Variants in NCF2 observed in about 807,000 individuals in gnomAD.
NCF2 encodes the protein neutrophil cytosol factor 2.
Under a neutral mutation model 70.9 loss-of-function variants are expected in NCF2, and 45 were observed. The observed-to-expected ratio is 0.63, with a 90% CI of 0.50 to 0.81. The LOEUF (loss-of-function observed/expected upper bound fraction) is 0.81. Ranked by LOEUF, NCF2 falls within the 40% of genes least tolerant of loss-of-function variation. The pLI is 0.00. For missense variants in NCF2, 522 were observed against 631.6 expected, an observed-to-expected ratio of 0.83 and a Z score of 1.86; for synonymous variants, 203 against 233.6, an observed-to-expected ratio of 0.87 and a Z score of 1.19.
intron 3 of NCF2, among the ~76,000 whole-genome samples, chr1:183,577,183 G>C (rs1672835060): frequency 1.3e-5 from 2 of 152,170 alleles, no homozygotes; most frequent in South Asian, 4.1e-4. Flanking sequence ...GCTTCTGGCA[G>C]GTCCTGCACG....
chr1:183,594,669 C>T (rs1025893299), upstream of NCF2, among the ~76,000 whole-genome samples: 8 of 152,148 alleles, frequency 5.3e-5, no homozygotes, highest in African/African-American at 1.4e-4. Context: ...AGTTTCATCT[C>T]GATATTTTCA....
chr1:183,573,895 G>A (rs1048522354), intron 4 of NCF2, among the ~76,000 whole-genome samples: 2 of 152,204 alleles, frequency 1.3e-5, no homozygotes, highest in Non-Finnish European at 1.5e-5. Context: ...TTCGAGACCT[G>A]CCTGGCCAAC....
intron 1 of NCF2, among the ~76,000 whole-genome samples, chr1:183,587,521 G>T (rs1166398530): frequency 1.3e-5 from 2 of 148,828 alleles, no homozygotes; most frequent in Non-Finnish European, 3.0e-5. Context: ...TCAAGCCCAG[G>T]AGGTGGAGAC....
the NCF2 span, among the ~76,000 whole-genome samples, chr1:183,599,441 T>TCTTTCTTTCTTTCTTTC: frequency 4.1e-4 from 41 of 98,872 alleles, no homozygotes; most frequent in South Asian, 2.2e-3. Flanking sequence ...TTTCTTTCTT[T>TCTTTCTTTCTTTCTTTC]CTTTCTTTCT....
chr1:183,567,594 T>G (rs1672369799), intron 7 of NCF2: 1 of 599,672 alleles, frequency 1.7e-6, no homozygotes, highest in African/African-American at 1.8e-5. Context: ...CACTAGATAG[T>G]GAGGACTTAC....
chr1:183,584,770 A>C (rs940860897), intron 2 of NCF2, among the ~76,000 whole-genome samples: 29 of 152,354 alleles, frequency 1.9e-4, no homozygotes, highest in Admixed American at 1.7e-3. Context: ...AAGGATGTTA[A>C]GAGCGGGGAC....
At chr1:183,577,127 C>T (rs528816712) in intron 3 of NCF2, among the ~76,000 whole-genome samples, 29 of 152,264 alleles carry the variant, frequency 1.9e-4, no homozygotes, top group Middle Eastern at 3.4e-3. Flanking sequence ...GGGGTAAGAA[C>T]CATGGATAGT....
At chr1:183,579,951 TTAAAGCTCCGTGCCA>T (rs1672983777) in intron 2 of NCF2, among the ~76,000 whole-genome samples, 1 of 152,182 alleles carries the variant, frequency 6.6e-6, no homozygotes, top group African/African-American at 2.4e-5. Flanking sequence ...ACGTGTTTAC[TTAAAGCTCCGTGCCA>T]TATAAGCTAT....
intron 2 of NCF2, among the ~76,000 whole-genome samples, chr1:183,583,219 A>T (rs1673193917): frequency 6.6e-6 from 1 of 151,980 alleles, no homozygotes; most frequent in Admixed American, 6.6e-5. Context: ...TGTGCTGCTA[A>T]TTTTTTGTAT....
Position 183,555,976 on chromosome 1 carries a change from G to A in NCF2, c.*142C>T, listed in dbSNP as rs906149023. On this transcript the variant is annotated 3_prime_UTR_variant, in exon 15 of 15. Coordinates refer to ENST00000367535, the MANE Select transcript of NCF2 (RefSeq NM_000433.4). ...TCCTGGGTACTCACATCATTGTCTAGTAGGTTAAATTTTAACAGGGAATAA... is the reference window on the plus strand; with the variant it reads ...TCCTGGGTACTCACATCATTGTCTAATAGGTTAAATTTTAACAGGGAATAA... 1 of 755,928 alleles carries A rather than the reference G, an allele frequency of 1.3e-6. No individual in the cohort carries two copies. The highest frequency in any genetic ancestry group is 2.1e-5 in the Admixed American group (1 of 48,634). 46.8% of individuals were successfully genotyped at this position (755,928 alleles called of 1,614,324 possible).
intron 7 of NCF2, among the ~76,000 whole-genome samples, chr1:183,568,017 C>T (rs951291216): frequency 1.3e-5 from 2 of 152,090 alleles, no homozygotes; most frequent in African/African-American, 4.8e-5. Context: ...TCCCTTTACT[C>T]CCCACTCTGT....
At position 183,558,790 on chromosome 1, in the gene NCF2, C is replaced by T. The variant is rs899834860; in HGVS notation, c.1468+1306G>A. Among the ~76,000 whole-genome samples, 14 of 152,176 alleles carry T rather than the reference C, an allele frequency of 9.2e-5. 1 individual carries two copies. Among genetic ancestry groups the T allele is most frequent in the Admixed American group, 8.5e-4 (13 of 15,282 alleles). ...ATGTTGGCCAGGTTGGTCTTCAACT[C>T]CTGGCCTCAAGTGATCCACCACCTC... On this transcript the variant is annotated intron_variant, in intron 14 of 14. Coordinates refer to ENST00000367535, the MANE Select transcript of NCF2 (RefSeq NM_000433.4).
intron 1 of NCF2, among the ~76,000 whole-genome samples, chr1:183,587,595 CAAAAAAAAAAAAAA>C (rs11287969): frequency 2.9e-4 from 12 of 41,892 alleles, no homozygotes; most frequent in Admixed American, 2.0e-3. Context: ...CACCCTGTCT[CAAAAAAAAAAAAAA>C]AAAAAAAAAA....
rs1671754185 is a variant in NCF2 at position 183,556,018 on chromosome 1, A to G, written c.*100T>C. On this transcript the variant is annotated 3_prime_UTR_variant, in exon 15 of 15. Transcript: ENST00000367535. ...AGGGAATAAATAGTTAACACTTCCA[A>G]ACTGTAATGTCTCAGTACAGTATAC... 1 of 987,014 alleles carries G rather than the reference A, an allele frequency of 1.0e-6. No individual in the cohort carries two copies. The highest frequency in any genetic ancestry group is 1.3e-5 in the South Asian group (1 of 75,840). 61.1% of individuals were successfully genotyped at this position (987,014 alleles called of 1,614,324 possible).
intron 14 of NCF2, 151 bp from the exon 15 acceptor site, chr1:183,556,381 G>C (rs1572142624): frequency 1.4e-6 from 1 of 716,984 alleles, no homozygotes; most frequent in Non-Finnish European, 2.5e-6. Flanking sequence ...AGTGGTTTGA[G>C]AGTGAACACA....
At chr1:183,580,453 G>C (rs1229961884) in intron 2 of NCF2, among the ~76,000 whole-genome samples, 1 of 152,202 alleles carries the variant, frequency 6.6e-6, no homozygotes, top group Non-Finnish European at 1.5e-5. Context: ...GAGGTTTCCT[G>C]TTTCCTGGCA....
chr1:183,587,120 C>A, intron 1 of NCF2, 143 bp from the exon 2 acceptor site: 2 of 794,100 alleles, frequency 2.5e-6, no homozygotes, highest in Admixed American at 3.4e-5. Context: ...CCACCCTGTG[C>A]TCTCACGGTG....
chr1:183,570,390 G>C (rs1672489874), intron 6 of NCF2, among the ~76,000 whole-genome samples: 1 of 152,232 alleles, frequency 6.6e-6, no homozygotes, highest in Non-Finnish European at 1.5e-5. Context: ...CTCAGGCCCA[G>C]GCCCCACAGG....
the NCF2 span, among the ~76,000 whole-genome samples, chr1:183,599,445 T>TC: frequency 7.9e-4 from 85 of 107,384 alleles, no homozygotes; most frequent in African/African-American, 3.0e-3. Flanking sequence ...TTTCTTTCTT[T>TC]CTTTCTTTCT....
Sources: gnomAD v4.1 joint callset for allele counts (sites outside exome capture counted in the v4.1 genomes callset) on GRCh38, gnomAD v4.1.1 for gene constraint, MANE v1.5 for transcripts, NCBI Gene and HGNC (gene_info 2026-07-23, HGNC 2026-07-21) for gene names.